The following SMARCAD1 variants were observed in gnomAD, a reference collection of about 807,000 sequenced individuals.
The protein encoded by SMARCAD1 is SNF2 related chromatin remodeling ATPase with DExD box 1, also known as SWI/SNF-related matrix-associated actin-dependent regulator of chromatin subfamily A containing DEAD/H box 1.
A neutral mutation model predicts 127.1 loss-of-function variants in SMARCAD1; 25 were observed. The ratio of observed to expected loss-of-function variants is 0.20; its 90% CI spans 0.14 to 0.27. The LOEUF (loss-of-function observed/expected upper bound fraction) is 0.27. SMARCAD1 is among the 10% of genes least tolerant of loss of function. The pLI, the probability that SMARCAD1 is intolerant of heterozygous loss-of-function variation, is 1.00. For synonymous variants in SMARCAD1, 400 were observed against 396.9 expected (o/e 1.01, Z -0.09); for missense variants, 807 against 1,206.0 (o/e 0.67, Z 4.90).
At chr4:94,237,080 C>G in intron 5 of SMARCAD1, 62 bp downstream of exon 5, 11 of 1,272,424 alleles carry the variant, frequency 8.6e-6, no homozygotes, top group Non-Finnish European at 1.3e-5. Context: ...ATAGTACCTT[C>G]TCATTAATAT....
At chr4:94,283,887 GC>G (rs2126007860) in intron 22 of SMARCAD1, among the ~76,000 whole-genome samples, 1 of 152,134 alleles carries the variant, frequency 6.6e-6, no homozygotes, top group African/African-American at 2.4e-5. Context: ...AAAAAAACTT[GC>G]TTGTTAGATC....
chr4:94,268,143 TAACAAA>T (rs1752011826), intron 10 of SMARCAD1, among the ~76,000 whole-genome samples: 1 of 152,184 alleles, frequency 6.6e-6, no homozygotes, highest in Non-Finnish European at 1.5e-5. Flanking sequence ...TATATTTTTA[TAACAAA>T]TATTTCAATG....
At chr4:94,270,675 GA>G in intron 10 of SMARCAD1, 52 bp from the exon 11 acceptor site, 1 of 1,495,346 alleles carries the variant, frequency 6.7e-7, no homozygotes, top group Non-Finnish European at 9.3e-7. Flanking sequence ...ATAACTAATA[GA>G]AAACTGATAG....
chr4:94,242,088 C>T (rs1747670081), intron 6 of SMARCAD1, among the ~76,000 whole-genome samples: 1 of 151,968 alleles, frequency 6.6e-6, no homozygotes, highest in Admixed American at 6.6e-5. Context: ...GGCTGGAGTA[C>T]AGTGGTGTGA....
Position 94,264,835 on chromosome 4 carries a change from C to T in SMARCAD1, c.1410C>T (p.Thr470=). ...GTGAAGACATTTCAAATAAATTGAC[C>T]AAACAAGTTACCATGCTTACTGGAA... is the stretch of plus-strand genomic sequence containing the variant. ...NKCEDISNKL[T]KQVTMLTGNG... The change falls in exon 10 of 24, where the codon ACC becomes ACT. Residue 470 remains threonine (T), a synonymous_variant. Coordinates refer to ENST00000354268, the MANE Select transcript of SMARCAD1 (RefSeq NM_020159.5). The T allele has an allele frequency of 3.1e-6, 5 of 1,613,002 alleles. No individual in the cohort carries two copies. The African/African-American group carries it at 4.0e-5, about 13-fold the overall frequency.
intron 2 of SMARCAD1, among the ~76,000 whole-genome samples, chr4:94,223,792 G>T (rs1744566171): frequency 6.8e-6 from 1 of 147,910 alleles, no homozygotes; most frequent in East Asian, 2.0e-4. Flanking sequence ...CACCTTGGCT[G>T]GGCTGATGTC....
chr4:94,282,307 A>G (rs986392322), intron 21 of SMARCAD1, among the ~76,000 whole-genome samples: 1 of 149,992 alleles, frequency 6.7e-6, no homozygotes, highest in Non-Finnish European at 1.5e-5. Context: ...CGTGTTAGCC[A>G]GGATGGTCTC....
chr4:94,209,409 C>T (rs1273241135), intron 2 of SMARCAD1, among the ~76,000 whole-genome samples: 1 of 152,068 alleles, frequency 6.6e-6, no homozygotes, highest in African/African-American at 2.4e-5. Context: ...GATTCCTGAG[C>T]ATAAACTAAT....
intron 6 of SMARCAD1, among the ~76,000 whole-genome samples, chr4:94,245,409 C>T (rs1748258963): frequency 6.6e-6 from 1 of 152,208 alleles, no homozygotes; most frequent in Non-Finnish European, 1.5e-5. Flanking sequence ...GGCTTTACTG[C>T]TGAAGATATT....
rs541932723 is a variant in SMARCAD1 at position 94,241,888 on chromosome 4, G to C, written c.705+882G>C. Reference sequence around the variant, plus strand: ...GGCCTATTGAGCAGGCATTCAAGTGGCTGTGGACTTAACTGGTGTTCACAA... The same window carrying C: ...GGCCTATTGAGCAGGCATTCAAGTGCCTGTGGACTTAACTGGTGTTCACAA... On this transcript the variant is annotated intron_variant, in intron 6 of 23. Coordinates refer to ENST00000354268, the MANE Select transcript of SMARCAD1 (RefSeq NM_020159.5). Among the ~76,000 whole-genome samples the C allele has an allele frequency of 2.6e-5, 4 of 152,276 alleles. No homozygotes were observed. In the South Asian group the frequency reaches 8.3e-4, roughly 32 times the overall value.
At chr4:94,271,841 C>T (rs937606723) in intron 11 of SMARCAD1, among the ~76,000 whole-genome samples, 1 of 152,118 alleles carries the variant, frequency 6.6e-6, no homozygotes, top group Non-Finnish European at 1.5e-5. Flanking sequence ...TGTAGATAGT[C>T]TTTATATCAT....
At chr4:94,244,511 T>C (rs11097408) in intron 6 of SMARCAD1, among the ~76,000 whole-genome samples, 93,466 of 152,068 alleles carry the variant, frequency 0.61, 28,845 homozygotes, top group East Asian at 0.72. Flanking sequence ...AGAAAACATG[T>C]TCTAGGATTT....
At chr4:94,262,575 C>A (rs1220519539) in intron 9 of SMARCAD1, among the ~76,000 whole-genome samples, 1 of 152,174 alleles carries the variant, frequency 6.6e-6, no homozygotes, top group Admixed American at 6.5e-5. Context: ...GTTTAGAACG[C>A]ATTAAAATGA....
chr4:94,270,841 A>G, intron 11 of SMARCAD1, 23 bp downstream of exon 11: 1 of 1,600,184 alleles, frequency 6.2e-7, no homozygotes. Flanking sequence ...TATTTCTAAG[A>G]TTTGTTGTTG....
intron 6 of SMARCAD1, among the ~76,000 whole-genome samples, chr4:94,245,431 G>A (rs982233572): frequency 1.3e-5 from 2 of 152,228 alleles, no homozygotes; most frequent in Non-Finnish European, 2.9e-5. Flanking sequence ...GGATAGTCTT[G>A]TGTGGCATCC....
Position 94,280,686 on chromosome 4 carries a change from G to A in SMARCAD1, c.2513G>A (p.Arg838Gln), listed in dbSNP as rs200626666. 1.5e-4 allele frequency: 246 copies of A among 1,613,614 alleles called. No individual in the cohort carries two copies. Among genetic ancestry groups the A allele is most frequent in the Non-Finnish European group, 1.9e-4 (221 of 1,179,708 alleles). ...FELHVLCKQY[R>Q]HINNFQLDMD... The stretch of plus-strand genomic sequence containing the variant: ...CTACATGTACTTTGTAAACAGTACC[G>A]ACACATTAATAACTTTCAGTTAGAC... The change falls in exon 20 of 24, where the codon CGA (arginine) becomes CAA (glutamine). Residue 838 changes from arginine (R) to glutamine (Q), a missense_variant. Physicochemically the swap from Arg to Gln is conservative, Grantham distance 43. Coordinates refer to ENST00000354268, the MANE Select transcript of SMARCAD1 (RefSeq NM_020159.5).
chr4:94,275,042 T>C, intron 14 of SMARCAD1, 77 bp downstream of exon 14: 3 of 1,001,774 alleles, frequency 3.0e-6, no homozygotes, highest in African/African-American at 1.6e-5. Context: ...AGTAGTACTA[T>C]GTAGGAAAGT....
intron 21 of SMARCAD1, 106 bp from the exon 22 acceptor site, chr4:94,283,015 T>G: frequency 1.1e-6 from 1 of 906,574 alleles, no homozygotes; most frequent in East Asian, 2.6e-5. Flanking sequence ...CTAAGAGATG[T>G]ACATACATCT....
At chr4:94,257,877 T>G (rs930270378) in intron 9 of SMARCAD1, among the ~76,000 whole-genome samples, 7 of 152,170 alleles carry the variant, frequency 4.6e-5, no homozygotes, top group African/African-American at 1.7e-4. Flanking sequence ...TAGTTCTCAC[T>G]GTCTACCTCA....
Sources: gnomAD v4.1 joint callset for allele counts (sites outside exome capture counted in the v4.1 genomes callset) on GRCh38, gnomAD v4.1.1 for gene constraint, MANE v1.5 for transcripts, NCBI Gene and HGNC (gene_info 2026-07-23, HGNC 2026-07-21) for gene names.